Variants in SLCO6A1 observed in about 807,000 individuals in gnomAD.
The protein encoded by SLCO6A1 is solute carrier organic anion transporter family member 6A1.
SLCO6A1 carries 65 observed loss-of-function variants against 72.7 expected under a neutral mutation model. The observed-to-expected ratio is 0.89, with a 90% CI of 0.73 to 1.10. The LOEUF (loss-of-function observed/expected upper bound fraction) is 1.10. Ranked by LOEUF, SLCO6A1 falls within the 50% of genes least tolerant of loss-of-function variation. The pLI, the probability that SLCO6A1 is intolerant of heterozygous loss-of-function variation, is 0.00. For synonymous variants in SLCO6A1, 314 were observed against 298.2 expected, an observed-to-expected ratio of 1.05 and a Z score of -0.55; for missense variants, 874 against 872.6, an observed-to-expected ratio of 1.00 and a Z score of -0.02.
intron 12 of SLCO6A1, among the ~76,000 whole-genome samples, chr5:102,374,607 T>C (rs1745678409): frequency 6.6e-6 from 1 of 152,128 alleles, no homozygotes; most frequent in South Asian, 2.1e-4. Flanking sequence ...GGTTTCAAGA[T>C]AAAAAGGAAA....
intron 7 of SLCO6A1, among the ~76,000 whole-genome samples, chr5:102,430,685 T>TG (rs1189702374): frequency 6.6e-6 from 1 of 152,130 alleles, no homozygotes; most frequent in Non-Finnish European, 1.5e-5. Flanking sequence ...GATGTACTGC[T>TG]GGATTTATTT....
chr5:102,485,928 A>G (rs1395518277), intron 1 of SLCO6A1, among the ~76,000 whole-genome samples: 1 of 152,214 alleles, frequency 6.6e-6, no homozygotes, highest in Non-Finnish European at 1.5e-5. Flanking sequence ...ACTCTCTACA[A>G]GTGTGTAAGT....
intron 4 of SLCO6A1, among the ~76,000 whole-genome samples, chr5:102,465,889 C>G (rs559285489): frequency 1.1e-4 from 17 of 152,054 alleles, no homozygotes; most frequent in Non-Finnish European, 2.1e-4. Flanking sequence ...AATGTGAATA[C>G]TAAGAATCAA....
intron 10 of SLCO6A1, among the ~76,000 whole-genome samples, chr5:102,397,711 T>A (rs918658162): frequency 1.3e-5 from 2 of 152,210 alleles, no homozygotes; most frequent in Non-Finnish European, 2.9e-5. Flanking sequence ...CTGTGATCTG[T>A]CAGTCCTTGG....
intron 1 of SLCO6A1, among the ~76,000 whole-genome samples, chr5:102,497,303 T>A (rs186604874): frequency 1.3e-5 from 2 of 152,276 alleles, no homozygotes; most frequent in Non-Finnish European, 2.9e-5. Context: ...AAAGATCCAA[T>A]AGAGAGTGGC....
chr5:102,445,157 A>T (rs1750040511), intron 6 of SLCO6A1, among the ~76,000 whole-genome samples: 1 of 152,206 alleles, frequency 6.6e-6, no homozygotes, highest in Non-Finnish European at 1.5e-5. Flanking sequence ...ACTGCTTTCC[A>T]CAATGGCTGA....
chr5:102,413,904 AT>A (rs1168850659), intron 8 of SLCO6A1, among the ~76,000 whole-genome samples: 3 of 152,046 alleles, frequency 2.0e-5, no homozygotes, highest in Non-Finnish European at 2.9e-5. Context: ...TTCAAACTGT[AT>A]TTTTTATTAA....
At chr5:102,387,488 G>T (rs922172327) in intron 12 of SLCO6A1, among the ~76,000 whole-genome samples, 2 of 152,062 alleles carry the variant, frequency 1.3e-5, no homozygotes, top group Admixed American at 6.6e-5. Flanking sequence ...ACTTCCTTAA[G>T]AACATTTCTT....
intron 12 of SLCO6A1, among the ~76,000 whole-genome samples, chr5:102,379,399 T>C (rs916720554): frequency 4.6e-5 from 7 of 152,206 alleles, no homozygotes; most frequent in African/African-American, 1.7e-4. Context: ...TTTATGGTTT[T>C]ATCTTTCATA....
intron 7 of SLCO6A1, among the ~76,000 whole-genome samples, chr5:102,434,293 C>G (rs1354719888): frequency 6.6e-6 from 1 of 152,078 alleles, no homozygotes; most frequent in Non-Finnish European, 1.5e-5. Flanking sequence ...CCTCTGGACA[C>G]TCTTTATCAA....
At chr5:102,408,405 A>C (rs1580370352) in intron 9 of SLCO6A1, among the ~76,000 whole-genome samples, 1 of 152,166 alleles carries the variant, frequency 6.6e-6, no homozygotes, top group East Asian at 1.9e-4. Flanking sequence ...GAGGTTAAAT[A>C]GCTAAGAATT....
At position 102,438,673 on chromosome 5, in the gene SLCO6A1, G is replaced by T. The variant is rs778731527; in HGVS notation, c.1220C>A (p.Pro407His). 2 of 1,600,216 alleles carry T rather than the reference G, an allele frequency of 1.2e-6. No homozygotes were observed. Among genetic ancestry groups the T allele is most frequent in the Non-Finnish European group, 1.7e-6 (2 of 1,174,508 alleles). Residue 407 changes from proline (P) to histidine (H), a missense_variant, in exon 7 of 14, where the codon CCT becomes CAT. By Grantham distance (77) the Pro-to-His change is moderately conservative. Coordinates refer to ENST00000506729, the MANE Select transcript of SLCO6A1 (RefSeq NM_173488.5). ...TATAAACTGATTTTCTAAATATATA[G>T]GCAAAAATTCAGAAGCTCCAATAAT... The part of the protein sequence containing the change: ...LVIIGASEFL[P>H]IYLENQFILT...
intron 10 of SLCO6A1, among the ~76,000 whole-genome samples, chr5:102,398,731 A>C (rs1326541308): frequency 1.3e-5 from 2 of 152,104 alleles, no homozygotes; most frequent in Non-Finnish European, 2.9e-5. Context: ...TTATCATGCT[A>C]TCCTGTCATA....
chr5:102,471,250 G>A (rs974754539), intron 4 of SLCO6A1, among the ~76,000 whole-genome samples: 3 of 151,966 alleles, frequency 2.0e-5, no homozygotes, highest in African/African-American at 7.2e-5. Context: ...TCAATCACAT[G>A]TTCTCCTTAC....
At chr5:102,453,638 C>T (rs566785754) in intron 6 of SLCO6A1, among the ~76,000 whole-genome samples, 212 of 152,258 alleles carry the variant, frequency 1.4e-3, no homozygotes, top group Non-Finnish European at 2.3e-3. Flanking sequence ...TTGTTTATTA[C>T]TTTTCAGGAC....
rs1012643960 is a variant in SLCO6A1, at chr5:102,451,593, T to C, written c.1131+6789A>G. The stretch of plus-strand genomic sequence containing the variant: ...GATGGAGTGGGTTGGGGGAATCTCC[T>C]GTGCCCAGGGTTGCAAAGATCTGTG... On this transcript the variant is annotated intron_variant, in intron 6 of 13. Transcript: ENST00000506729. Among the ~76,000 whole-genome samples, 4 of 152,208 alleles carry C rather than the reference T, an allele frequency of 2.6e-5. No individual in the cohort carries two copies. In the South Asian group the frequency reaches 8.3e-4, roughly 32 times the overall value.
chr5:102,383,086 A>ATGTG (rs141906901), intron 12 of SLCO6A1, among the ~76,000 whole-genome samples: 8 of 116,354 alleles, frequency 6.9e-5, no homozygotes, highest in African/African-American at 2.3e-4. Flanking sequence ...GTGTATGTAT[A>ATGTG]TGTGTGTGAA....
chr5:102,398,100 T>C (rs1449157059), intron 10 of SLCO6A1, among the ~76,000 whole-genome samples: 1 of 152,218 alleles, frequency 6.6e-6, no homozygotes, highest in Non-Finnish European at 1.5e-5. Context: ...TTATCATTCA[T>C]TCAGTTCCAA....
At chr5:102,390,544 C>T (rs957484811) in intron 11 of SLCO6A1, among the ~76,000 whole-genome samples, 7 of 151,992 alleles carry the variant, frequency 4.6e-5, no homozygotes, top group East Asian at 3.9e-4. Flanking sequence ...ACATTACCTC[C>T]CAACATTTAT....
Sources: allele counts gnomAD v4.1 joint callset (sites outside exome capture counted in the v4.1 genomes callset), GRCh38; gene constraint gnomAD v4.1.1; transcripts MANE v1.5; gene names NCBI Gene and HGNC (gene_info 2026-07-23, HGNC 2026-07-21).